MARCHF1: variants seen among roughly 807,000 people sequenced by gnomAD.
The protein encoded by MARCHF1 is E3 ubiquitin-protein ligase MARCHF1.
MARCHF1 carries 40 observed loss-of-function variants against 54.2 expected under a neutral mutation model. The ratio of observed to expected loss-of-function variants is 0.74; its 90% CI spans 0.57 to 0.96. The LOEUF is 0.96. Ranked by LOEUF, MARCHF1 falls within the 40% of genes least tolerant of loss-of-function variation. MARCHF1 has a pLI of 0.00. For missense variants in MARCHF1, 586 were observed against 656.5 expected (o/e 0.89, Z 1.17); for synonymous variants, 236 against 236.3 (o/e 1.00, Z 0.01).
At chr4:163,617,667 T>C (rs560619433) in intron 5 of MARCHF1, among the ~76,000 whole-genome samples, 1 of 152,180 alleles carries the variant, frequency 6.6e-6, no homozygotes, top group Non-Finnish European at 1.5e-5. Context: ...AAATTATACA[T>C]TCTTTATTCT....
intron 1 of MARCHF1, among the ~76,000 whole-genome samples, chr4:164,367,038 C>T (rs748972211): frequency 7.9e-5 from 12 of 152,030 alleles, no homozygotes; most frequent in Non-Finnish European, 1.3e-4. Flanking sequence ...AGTTACCAAA[C>T]GGAGAAAATC....
chr4:164,352,927 C>A (rs1374867613), intron 1 of MARCHF1, among the ~76,000 whole-genome samples: 44 of 70,432 alleles, frequency 6.2e-4, no homozygotes, highest in Admixed American at 1.6e-3. Context: ...ATCTACCAAG[C>A]AAATGGAAAA....
chr4:163,815,294 C>A (rs967619128), intron 4 of MARCHF1, among the ~76,000 whole-genome samples: 4 of 152,130 alleles, frequency 2.6e-5, no homozygotes, highest in Non-Finnish European at 4.4e-5. Context: ...TGTCATGCTG[C>A]AAATTTTTGA....
At chr4:164,375,581 C>T (rs1473614047) in intron 1 of MARCHF1, among the ~76,000 whole-genome samples, 18 of 152,106 alleles carry the variant, frequency 1.2e-4, no homozygotes, top group Admixed American at 5.2e-4. Flanking sequence ...GCTGCATATT[C>T]GATACAACAT....
intron 2 of MARCHF1, among the ~76,000 whole-genome samples, chr4:164,030,890 G>T (rs949264919): frequency 6.6e-6 from 1 of 152,062 alleles, no homozygotes; most frequent in Non-Finnish European, 1.5e-5. Context: ...CTTGTCTATT[G>T]TTGGTGTATA....
At chr4:164,335,514 G>A (rs537214319) in intron 1 of MARCHF1, among the ~76,000 whole-genome samples, 9 of 151,866 alleles carry the variant, frequency 5.9e-5, no homozygotes, top group Admixed American at 1.3e-4. Context: ...CCCGGGAGGC[G>A]GAGCTTGCAG....
chr4:163,685,491 T>TCA (rs1290819648), intron 5 of MARCHF1, among the ~76,000 whole-genome samples: 1 of 152,174 alleles, frequency 6.6e-6, no homozygotes, highest in East Asian at 1.9e-4. Context: ...TCTCACTCTG[T>TCA]CACCCAGGCT....
intron 4 of MARCHF1, among the ~76,000 whole-genome samples, chr4:163,749,160 G>A (rs1746446451): frequency 6.6e-6 from 1 of 151,670 alleles, no homozygotes; most frequent in Non-Finnish European, 1.5e-5. Context: ...ATATTTTAAT[G>A]CTATTGTAAG....
intron 1 of MARCHF1, among the ~76,000 whole-genome samples, chr4:164,227,890 C>T (rs1019559307): frequency 3.9e-5 from 6 of 152,088 alleles, no homozygotes; most frequent in African/African-American, 1.2e-4. Context: ...GAGGATGATA[C>T]AGGCTGGTGA....
rs372073358 is a variant in MARCHF1, at chr4:163,697,876, TTTA to T, written c.162+2934_162+2936del. Among the ~76,000 whole-genome samples, 59 of 152,336 alleles carry T rather than the reference TTTA, an allele frequency of 3.9e-4. No individual in the cohort carries two copies. The East Asian group carries it at 9.8e-3, about 25-fold the overall frequency. ...TTCCTTAATCCTGTCCACTCTGCATTTTATTATTATTACACCTAGAAAACATTG... is the reference window on the plus strand; with the variant it reads ...TTCCTTAATCCTGTCCACTCTGCATTTTATTATTACACCTAGAAAACATTG... On this transcript the variant is annotated intron_variant, in intron 5 of 9. Transcript: ENST00000514618.
At chr4:163,749,565 A>T (rs1330283305) in intron 4 of MARCHF1, among the ~76,000 whole-genome samples, 2 of 152,128 alleles carry the variant, frequency 1.3e-5, no homozygotes, top group Admixed American at 1.3e-4. Context: ...AACTATTTGT[A>T]GATGGTCTTT....
At chr4:163,695,001 T>C (rs1217557945) in intron 5 of MARCHF1, among the ~76,000 whole-genome samples, 2 of 152,158 alleles carry the variant, frequency 1.3e-5, no homozygotes, top group Non-Finnish European at 1.5e-5. Context: ...TAATTATATA[T>C]CCTACTTTAC....
intron 7 of MARCHF1, among the ~76,000 whole-genome samples, chr4:163,589,343 TAAC>T (rs1261164206): frequency 6.6e-6 from 1 of 152,118 alleles, no homozygotes; most frequent in African/African-American, 2.4e-5. Context: ...GAAGCACCAC[TAAC>T]AACATCATTT....
At chr4:163,610,730 A>G (rs1163335303) in intron 7 of MARCHF1, among the ~76,000 whole-genome samples, 1 of 152,108 alleles carries the variant, frequency 6.6e-6, no homozygotes, top group African/African-American at 2.4e-5. Flanking sequence ...TTACACGGTG[A>G]CAGTTTCTTT....
At chr4:164,284,049 G>A (rs538858482) in intron 1 of MARCHF1, among the ~76,000 whole-genome samples, 32 of 151,046 alleles carry the variant, frequency 2.1e-4, no homozygotes, top group African/African-American at 7.8e-4. Flanking sequence ...ACATTTTGAG[G>A]TCAATTCCAT....
chr4:164,321,356 C>T (rs1177437418), intron 1 of MARCHF1, among the ~76,000 whole-genome samples: 1 of 152,010 alleles, frequency 6.6e-6, no homozygotes, highest in Non-Finnish European at 1.5e-5. Context: ...TTAAAGAGTG[C>T]TTGGATTCTG....
intron 1 of MARCHF1, among the ~76,000 whole-genome samples, chr4:164,119,561 A>T (rs573441435): frequency 1.3e-5 from 2 of 151,852 alleles, no homozygotes; most frequent in Admixed American, 6.6e-5. Flanking sequence ...TTAAAGATTA[A>T]TAATTATGTT....
intron 1 of MARCHF1, among the ~76,000 whole-genome samples, chr4:164,362,168 G>A (rs896418220): frequency 4.6e-5 from 7 of 152,110 alleles, no homozygotes; most frequent in African/African-American, 1.4e-4. Flanking sequence ...GGCTTGTATA[G>A]AAAACCTTTT....
intron 4 of MARCHF1, among the ~76,000 whole-genome samples, chr4:163,756,523 C>T (rs1366807807): frequency 1.4e-5 from 2 of 147,832 alleles, no homozygotes; most frequent in Non-Finnish European, 3.0e-5. Flanking sequence ...GTCCCAGCTA[C>T]TAGGGATGCT....
Sources: gnomAD v4.1 joint callset for allele counts (sites outside exome capture counted in the v4.1 genomes callset) on GRCh38, gnomAD v4.1.1 for gene constraint, MANE v1.5 for transcripts, NCBI Gene and HGNC (gene_info 2026-07-23, HGNC 2026-07-21) for gene names.